Variants in TM9SF3 observed in about 807,000 individuals in gnomAD.
TM9SF3 encodes the protein transmembrane 9 superfamily member 3, also known as SM-11044-binding protein.
Under a neutral mutation model 78.6 loss-of-function variants are expected in TM9SF3, and 14 were observed. That is an observed-to-expected ratio of 0.18 (90% CI 0.12 to 0.28). The LOEUF is 0.28. Ranked by LOEUF, TM9SF3 falls within the 10% of genes least tolerant of loss-of-function variation. The pLI, the probability that TM9SF3 is intolerant of heterozygous loss-of-function variation, is 1.00. For missense variants in TM9SF3, 496 were observed against 721.9 expected (o/e 0.69, Z 3.59); for synonymous variants, 231 against 241.7 (o/e 0.96, Z 0.41).
chr10:96,547,438 T>A (rs530208867), intron 8 of TM9SF3, among the ~76,000 whole-genome samples: 1 of 152,202 alleles, frequency 6.6e-6, no homozygotes, highest in Non-Finnish European at 1.5e-5. Context: ...TTCATAATTT[T>A]AGGAAATAAA....
Position 96,576,641 on chromosome 10 carries a change from T to G in TM9SF3, c.291A>C (p.Lys97Asn), listed in dbSNP as rs748475404. Residue 97 changes from lysine to asparagine, a missense_variant, in exon 2 of 15, where the codon AAA becomes AAC. Lys to Asn is a moderately conservative substitution (Grantham distance 94). Coordinates refer to ENST00000371142, the MANE Select transcript of TM9SF3 (RefSeq NM_020123.4). ...CTATTAAGGTTTACTTACCTTTAAA[T>G]TTAATATCCAGACCACTAAATTCCA... ...VELEFSGLDI[K>N]FKDDVMPATY... 1.9e-6 allele frequency: 3 copies of G among 1,585,994 alleles called. No individual in the cohort carries two copies. Among genetic ancestry groups the G allele is most frequent in the Non-Finnish European group, 1.7e-6 (2 of 1,171,058 alleles).
intron 3 of TM9SF3, among the ~76,000 whole-genome samples, chr10:96,563,560 T>C (rs923069892): frequency 6.6e-6 from 1 of 152,078 alleles, no homozygotes; most frequent in Non-Finnish European, 1.5e-5. Flanking sequence ...GTATTTTTAG[T>C]AGAGACAGGG....
At chr10:96,555,914 A>C (rs1428936538) in intron 5 of TM9SF3, among the ~76,000 whole-genome samples, 1 of 152,188 alleles carries the variant, frequency 6.6e-6, no homozygotes, top group Non-Finnish European at 1.5e-5. Context: ...TCAATTTATC[A>C]AATTTTTTAA....
At chr10:96,585,285 A>G (rs1848616417) in intron 1 of TM9SF3, among the ~76,000 whole-genome samples, 1 of 152,226 alleles carries the variant, frequency 6.6e-6, no homozygotes, top group Non-Finnish European at 1.5e-5. Context: ...ATTAAACAGA[A>G]GGATGGATGC....
rs980381193 is a variant in TM9SF3 at position 96,551,431 on chromosome 10, TAGAG to T, written c.793-24_793-21del. ...TCTATCCTATATACAAATATATATATAGAGAGAGAAAAGCAAATCATTCAGAATC... is the reference window on the plus strand; with the variant it reads ...TCTATCCTATATACAAATATATATATAGAGAAAAGCAAATCATTCAGAATC... On this transcript the variant is annotated intron_variant, in intron 6 of 14. Coordinates refer to ENST00000371142, the MANE Select transcript of TM9SF3 (RefSeq NM_020123.4). 6.9e-7 allele frequency: 1 copy of T among 1,446,516 alleles called. No homozygotes were observed. The highest frequency in any genetic ancestry group is 9.3e-7 in the Non-Finnish European group (1 of 1,079,458). 89.6% of individuals were successfully genotyped at this position (1,446,516 alleles called of 1,614,324 possible). A position where few individuals can be genotyped will look rare whatever the true frequency, so the allele number is the denominator to read the frequency against.
chr10:96,573,214 T>G (rs1246127212), intron 2 of TM9SF3, among the ~76,000 whole-genome samples: 1 of 152,164 alleles, frequency 6.6e-6, no homozygotes, highest in Admixed American at 6.5e-5. Context: ...ATGTTCCAGT[T>G]TCTATTATTA....
At chr10:96,529,215 C>G (rs1009311826) in intron 11 of TM9SF3, among the ~76,000 whole-genome samples, 1 of 152,140 alleles carries the variant, frequency 6.6e-6, no homozygotes. Context: ...CACTCCAACT[C>G]CTAAGGTACT....
At chr10:96,558,523 G>A (rs1848264044) in intron 5 of TM9SF3, among the ~76,000 whole-genome samples, 1 of 151,902 alleles carries the variant, frequency 6.6e-6, no homozygotes, top group African/African-American at 2.4e-5. Context: ...GTGTGTGCCT[G>A]TAATCCCAGC....
intron 14 of TM9SF3, among the ~76,000 whole-genome samples, chr10:96,525,127 C>T (rs1017384279): frequency 1.3e-5 from 2 of 151,856 alleles, no homozygotes; most frequent in Non-Finnish European, 1.5e-5. Context: ...TCTGCATAAT[C>T]GATTCTATAC....
intron 1 of TM9SF3, among the ~76,000 whole-genome samples, chr10:96,583,950 C>T (rs1306520212): frequency 7.3e-5 from 11 of 151,706 alleles, no homozygotes; most frequent in African/African-American, 2.7e-4. Flanking sequence ...AGGAGAATTG[C>T]TTGAACCCAG....
At chr10:96,538,207 C>G (rs1406031078) in intron 9 of TM9SF3, among the ~76,000 whole-genome samples, 1 of 152,076 alleles carries the variant, frequency 6.6e-6, no homozygotes, top group Non-Finnish European at 1.5e-5. Context: ...AAGAGAAAAT[C>G]CAGCAATAAA....
rs540243982 is a variant in TM9SF3 at position 96,555,360 on chromosome 10, C to G, written c.661-2301G>C. ...TCTCACATAGATCTACTTCTACTCC[C>G]CTTAGCAAATTCTACCCAGTCTTCA... On this transcript the variant is annotated intron_variant, in intron 5 of 14. Transcript: ENST00000371142. Among the ~76,000 whole-genome samples the G allele has an allele frequency of 1.7e-3, 253 of 152,270 alleles. 2 individuals are homozygous for G. Among genetic ancestry groups the G allele is most frequent in the South Asian group, 5.2e-3 (25 of 4,824 alleles).
rs1439978302 is a variant in TM9SF3, at chr10:96,522,342, A to C, written c.1703-12T>G. On this transcript the variant is annotated splice_polypyrimidine_tract_variant and intron_variant, in intron 14 of 14. Transcript: ENST00000371142. ...GTAACCAATCGCTCCTGCAAAGATA[A>C]AATAAGATGTTTTGAAACAAATACA... 6.4e-7 allele frequency: 1 copy of C among 1,558,794 alleles called. No individual in the cohort carries two copies. The highest frequency in any genetic ancestry group is 1.4e-5 in the African/African-American group (1 of 70,750).
At chr10:96,549,762 G>C (rs1413756172) in intron 7 of TM9SF3, among the ~76,000 whole-genome samples, 1 of 148,186 alleles carries the variant, frequency 6.7e-6, no homozygotes, top group African/African-American at 2.5e-5. Flanking sequence ...ACATTAGTGA[G>C]TGGTTTCTTA....
chr10:96,570,862 C>T (rs972247622), intron 2 of TM9SF3, among the ~76,000 whole-genome samples: 13 of 152,254 alleles, frequency 8.5e-5, no homozygotes, highest in Non-Finnish European at 1.5e-4. Context: ...TCTCCTGCCT[C>T]GGCTTCCCGG....
At chr10:96,552,508 C>T (rs570086296) in intron 6 of TM9SF3, among the ~76,000 whole-genome samples, 15 of 152,298 alleles carry the variant, frequency 9.8e-5, no homozygotes, top group Non-Finnish European at 1.8e-4. Context: ...CTATGTAACA[C>T]ACTTTTTGTT....
chr10:96,583,761 T>C (rs1848600278), intron 1 of TM9SF3, among the ~76,000 whole-genome samples: 1 of 152,010 alleles, frequency 6.6e-6, no homozygotes, highest in African/African-American at 2.4e-5. Flanking sequence ...CAGCAGGGCA[T>C]GGTGGCTCAC....
intron 14 of TM9SF3, 64 bp downstream of exon 14, chr10:96,527,149 T>C (rs1243629972): frequency 7.3e-7 from 1 of 1,375,360 alleles, no homozygotes; most frequent in Non-Finnish European, 1.0e-6. Flanking sequence ...TTCCAATTAC[T>C]GTATTTTTCG....
chr10:96,523,520 C>G (rs1349694032), intron 14 of TM9SF3, among the ~76,000 whole-genome samples: 2 of 151,848 alleles, frequency 1.3e-5, no homozygotes, highest in Non-Finnish European at 2.9e-5. Context: ...AATATTATAA[C>G]CACTAATGAA....
Sources: gnomAD v4.1 joint callset for allele counts (sites outside exome capture counted in the v4.1 genomes callset) on GRCh38, gnomAD v4.1.1 for gene constraint, MANE v1.5 for transcripts, NCBI Gene and HGNC (gene_info 2026-07-23, HGNC 2026-07-21) for gene names.